Variants in CSE1L observed in about 807,000 individuals in gnomAD.
The protein encoded by CSE1L is chromosome segregation 1 like.
Under a neutral mutation model 120.4 loss-of-function variants are expected in CSE1L, and 24 were observed. The observed-to-expected ratio is 0.20, with a 90% CI of 0.14 to 0.28. CSE1L has a LOEUF of 0.28. CSE1L is among the 10% of genes least tolerant of loss of function. The pLI is 1.00. For synonymous variants in CSE1L, 402 were observed against 398.3 expected (o/e 1.01, Z -0.11); for missense variants, 830 against 1,145.2 (o/e 0.72, Z 3.97).
At chr20:49,056,012 A>G (rs551987793) in intron 1 of CSE1L, among the ~76,000 whole-genome samples, 1 of 151,824 alleles carries the variant, frequency 6.6e-6, no homozygotes, top group Non-Finnish European at 1.5e-5. Flanking sequence ...AATTTGGTGC[A>G]TGATTTCCCT....
intron 21 of CSE1L, among the ~76,000 whole-genome samples, chr20:49,091,489 T>G (rs2092100699): frequency 6.6e-6 from 1 of 151,380 alleles, no homozygotes; most frequent in Non-Finnish European, 1.5e-5. Context: ...ATCCCAGCAC[T>G]TTGGGAGGTG....
chr20:49,075,557 A>C, intron 12 of CSE1L, 37 bp downstream of exon 12: 1 of 1,521,050 alleles, frequency 6.6e-7, no homozygotes, highest in Non-Finnish European at 9.1e-7. Flanking sequence ...TCTAAAACAG[A>C]CATCAGTGAC....
At chr20:49,091,071 C>A in intron 21 of CSE1L, 49 bp downstream of exon 21, 2 of 1,228,264 alleles carry the variant, frequency 1.6e-6, no homozygotes, top group East Asian at 2.3e-5. Context: ...AAGAAGGTAG[C>A]TAAAACCCTT....
rs768617423 is a variant in CSE1L, at chr20:49,072,272, T to G, written c.769-14T>G. On this transcript the variant is annotated splice_polypyrimidine_tract_variant and intron_variant, in intron 8 of 24. Coordinates refer to ENST00000262982, the MANE Select transcript of CSE1L (RefSeq NM_001316.4). Reference sequence around the variant, plus strand: ...AGAGTTGTATGTTGGAGTTTTTGTTTTCTTTTATGTGAGGATGAAGAGGAA... The same window carrying G: ...AGAGTTGTATGTTGGAGTTTTTGTTGTCTTTTATGTGAGGATGAAGAGGAA... 1 of 1,610,768 alleles carries G rather than the reference T, an allele frequency of 6.2e-7. No homozygotes were observed. Among genetic ancestry groups the G allele is most frequent in the Non-Finnish European group, 8.5e-7 (1 of 1,178,638 alleles).
intron 12 of CSE1L, 136 bp from the exon 13 acceptor site, chr20:49,076,844 T>C (rs2091972461): frequency 1.8e-6 from 1 of 569,186 alleles, no homozygotes; most frequent in Non-Finnish European, 3.0e-6. Context: ...ACAGTCTCAT[T>C]TTATACATAA....
chr20:49,089,611 T>C lies in CSE1L; in HGVS notation c.2046T>C (p.Tyr682=). Residue 682 remains tyrosine (Y), a synonymous_variant, in exon 19 of 25, where the codon TAT becomes TAC. Transcript: ENST00000262982. ...ACAAAAATGACATCCCGTCTTCCTA[T>C]ATGGCCTTATTTCCTCATCTCCTTC... ...ETHKNDIPSS[Y]MALFPHLLQP... The C allele has an allele frequency of 6.2e-7, 1 of 1,614,180 alleles. No individual in the cohort carries two copies. The highest frequency in any genetic ancestry group is 2.2e-5 in the East Asian group (1 of 44,892).
At chr20:49,077,103 C>A in intron 13 of CSE1L, 39 bp downstream of exon 13, 1 of 1,214,740 alleles carries the variant, frequency 8.2e-7, no homozygotes, top group Admixed American at 2.1e-5. Flanking sequence ...CAGCTTGCCA[C>A]ACTATACCTG....
chr20:49,060,493 T>C (rs910788019), intron 2 of CSE1L, among the ~76,000 whole-genome samples: 6 of 123,372 alleles, frequency 4.9e-5, no homozygotes, highest in African/African-American at 1.9e-4. Flanking sequence ...AAAAAAAAAT[T>C]GGACAGGCAC....
intron 22 of CSE1L, among the ~76,000 whole-genome samples, chr20:49,093,081 G>A (rs2092113917): frequency 1.3e-5 from 2 of 152,048 alleles, no homozygotes; most frequent in Admixed American, 1.3e-4. Flanking sequence ...ATTTCTTCGG[G>A]GACAGTTAGA....
Position 49,096,468 on chromosome 20 carries a change from A to T in CSE1L, c.*30A>T, listed in dbSNP as rs778326554. On this transcript the variant is annotated 3_prime_UTR_variant, in exon 25 of 25. Transcript: ENST00000262982. ...CATTTTTCTAATGGGCTAAACCCAG[A>T]TGGTTTCCTAGGAAATCACAGGCTT... The T allele has an allele frequency of 2.0e-6, 3 of 1,531,344 alleles. No homozygotes were observed. The highest frequency in any genetic ancestry group is 2.7e-6 in the Non-Finnish European group (3 of 1,104,882). The allele number at this position is 1,531,344 out of a possible 1,614,324, so 94.9% of individuals were successfully genotyped here.
rs763066858 is a variant in CSE1L, at chr20:49,090,847, T to C, written c.2279+8T>C. 2 of 1,609,164 alleles carry C rather than the reference T, an allele frequency of 1.2e-6. No individual in the cohort carries two copies. Among genetic ancestry groups the C allele is most frequent in the Non-Finnish European group, 1.7e-6 (2 of 1,177,234 alleles). On this transcript the variant is annotated splice_region_variant and intron_variant, in intron 20 of 24. Coordinates refer to ENST00000262982, the MANE Select transcript of CSE1L (RefSeq NM_001316.4). ...AATAGAGCACATGCCTCCGTGAGTA[T>C]GACTAGAACTTTGTGCATTTATTTA... is the stretch of plus-strand genomic sequence containing the variant.
chr20:49,061,738 T>C (rs1255207553), intron 2 of CSE1L, among the ~76,000 whole-genome samples: 1 of 151,236 alleles, frequency 6.6e-6, no homozygotes, highest in African/African-American at 2.4e-5. Context: ...TTCCTGACCT[T>C]GTGATCCACT....
At chr20:49,072,209 C>G in intron 8 of CSE1L, 77 bp from the exon 9 acceptor site, 1 of 1,473,856 alleles carries the variant, frequency 6.8e-7, no homozygotes, top group Non-Finnish European at 9.3e-7. Context: ...GAGTCTAGTT[C>G]AGGAATTTCA....
At chr20:49,087,191 CTG>C (rs1018306180) in intron 16 of CSE1L, among the ~76,000 whole-genome samples, 15 of 152,214 alleles carry the variant, frequency 9.9e-5, no homozygotes, top group Admixed American at 9.2e-4. Context: ...AATTTGGACT[CTG>C]TGGCTTTACA....
intron 1 of CSE1L, among the ~76,000 whole-genome samples, chr20:49,055,738 T>A (rs529211279): frequency 3.0e-4 from 46 of 152,282 alleles, no homozygotes; most frequent in African/African-American, 8.2e-4. Flanking sequence ...TAAAATTTTT[T>A]AAATTCCTTA....
At position 49,049,187 on chromosome 20, in the gene CSE1L, C is replaced by A. The variant is rs372277928; in HGVS notation, c.-12+2764C>A. 1.2e-4 allele frequency among the ~76,000 whole-genome samples: 18 copies of A among 152,062 alleles called. No homozygotes were observed. The East Asian group carries it at 2.3e-3, about 20-fold the overall frequency. ...CGTGGAGAAAGAAAAGTATCACCCCCTCATTTAAAGGTGATAAAAATGAAT... is the reference window on the plus strand; with the variant it reads ...CGTGGAGAAAGAAAAGTATCACCCCATCATTTAAAGGTGATAAAAATGAAT... On this transcript the variant is annotated intron_variant, in intron 1 of 24. Coordinates refer to ENST00000262982, the MANE Select transcript of CSE1L (RefSeq NM_001316.4).
At chr20:49,074,987 T>C (rs1340777383) in intron 11 of CSE1L, 137 bp downstream of exon 11, 2 of 633,238 alleles carry the variant, frequency 3.2e-6, no homozygotes, top group Non-Finnish European at 5.4e-6. Flanking sequence ...CTGTTGTCTT[T>C]CTTCAACTTG....
Position 49,066,248 on chromosome 20 carries a change from C to T in CSE1L, c.285C>T (p.Asn95=), listed in dbSNP as rs529763386. The T allele has an allele frequency of 5.1e-5, 82 of 1,614,206 alleles. No homozygotes were observed. The South Asian group carries it at 8.7e-4, about 17-fold the overall frequency. ...CCGATCGAGTGGCCATTAAAGCCAA[C>T]ATAGTGCACTTGATGCTTAGCAGCC... ...CEADRVAIKA[N]IVHLMLSSPE... The change falls in exon 4 of 25, where the codon AAC becomes AAT. Residue 95 remains asparagine (N), a synonymous_variant. Coordinates refer to ENST00000262982, the MANE Select transcript of CSE1L (RefSeq NM_001316.4).
At chr20:49,048,056 C>A (rs925014412) in intron 1 of CSE1L, among the ~76,000 whole-genome samples, 1 of 151,974 alleles carries the variant, frequency 6.6e-6, no homozygotes, top group East Asian at 1.9e-4. Context: ...CAGAAGGGGA[C>A]CCTTTAGTCT....
Sources: gnomAD v4.1 joint callset for allele counts (sites outside exome capture counted in the v4.1 genomes callset) on GRCh38, gnomAD v4.1.1 for gene constraint, MANE v1.5 for transcripts, NCBI Gene and HGNC (gene_info 2026-07-23, HGNC 2026-07-21) for gene names.